ASAP2: variants seen among roughly 807,000 people sequenced by gnomAD.
The protein encoded by ASAP2 is ArfGAP with SH3 domain, ankyrin repeat and PH domain 2, also known as arf-GAP with SH3 domain, ANK repeat and PH domain-containing protein 2.
A neutral mutation model predicts 131.4 loss-of-function variants in ASAP2; 45 were observed. The observed-to-expected ratio is 0.34, with a 90% CI of 0.27 to 0.44. The LOEUF (loss-of-function observed/expected upper bound fraction) is 0.44. Among genes scored for constraint, ASAP2 ranks in the 20% least tolerant of loss-of-function variants. ASAP2 has a pLI of 1.00. For missense variants in ASAP2, 1,011 were observed against 1,297.0 expected (o/e 0.78, Z 3.39); for synonymous variants, 510 against 503.0 (o/e 1.01, Z -0.19).
chr2:9,350,396 C>T lies in ASAP2; in HGVS notation c.1024-412C>T, dbSNP rs908861042. 47 of 157,370 alleles carry T rather than the reference C, an allele frequency of 3.0e-4. 1 individual carries two copies. Among genetic ancestry groups the T allele is most frequent in the African/African-American group, 9.3e-4 (39 of 41,820 alleles). 9.7% of individuals were successfully genotyped at this position (157,370 alleles called of 1,614,324 possible). A position where few individuals can be genotyped will look rare whatever the true frequency, so the allele number is the denominator to read the frequency against. ...AAGTGAGGTTTATGCTAAGAAAAAA[C>T]GCTTTTAAGATCACCAGAAATTGAG... On this transcript the variant is annotated intron_variant, in intron 11 of 27. Coordinates refer to ENST00000281419, the MANE Select transcript of ASAP2 (RefSeq NM_003887.3).
chr2:9,257,627 T>C (rs1177262045), intron 1 of ASAP2, among the ~76,000 whole-genome samples: 1 of 152,198 alleles, frequency 6.6e-6, no homozygotes, highest in African/African-American at 2.4e-5. Flanking sequence ...CAAGCTATTC[T>C]CCTGCCTCAG....
chr2:9,393,760 C>T (rs1000103148), intron 24 of ASAP2, 113 bp downstream of exon 24: 4 of 1,152,322 alleles, frequency 3.5e-6, no homozygotes, highest in Middle Eastern at 2.9e-4. Context: ...AGCGTGGGCG[C>T]CACATAACTA....
At chr2:9,335,021 G>A in intron 8 of ASAP2, 72 bp from the exon 9 acceptor site, 1 of 1,495,192 alleles carries the variant, frequency 6.7e-7, no homozygotes, top group African/African-American at 1.4e-5. Context: ...ATGGCCCCAT[G>A]AGCACCAACG....
chr2:9,309,582 A>G (rs1669160853), intron 3 of ASAP2, among the ~76,000 whole-genome samples: 1 of 152,160 alleles, frequency 6.6e-6, no homozygotes, highest in African/African-American at 2.4e-5. Context: ...TCATAGGAAT[A>G]TCCATGTGTC....
At chr2:9,350,460 C>T (rs907295535) in intron 11 of ASAP2, 7 of 187,602 alleles carry the variant, frequency 3.7e-5, no homozygotes, top group Admixed American at 6.1e-5. Flanking sequence ...ACTGTGTTGT[C>T]GGTAGGAATC....
At chr2:9,293,267 TA>T (rs1301343588) in intron 2 of ASAP2, among the ~76,000 whole-genome samples, 1 of 152,024 alleles carries the variant, frequency 6.6e-6, no homozygotes, top group Non-Finnish European at 1.5e-5. Flanking sequence ...GTGGGGGAGA[TA>T]AAGGGGTGAT....
chr2:9,347,268 C>T (rs2148616957), intron 11 of ASAP2, among the ~76,000 whole-genome samples: 1 of 152,338 alleles, frequency 6.6e-6, no homozygotes, highest in East Asian at 1.9e-4. Flanking sequence ...GAGGACCCCT[C>T]TGTATGACTG....
intron 1 of ASAP2, chr2:9,271,622 T>C (rs1666402978): frequency 2.8e-6 from 3 of 1,064,248 alleles, no homozygotes; most frequent in East Asian, 2.5e-5. Context: ...TTCTGGATAG[T>C]GGACATACGA....
intron 1 of ASAP2, among the ~76,000 whole-genome samples, chr2:9,270,784 C>CCTTTTTTTTTTTT (rs1666294703): frequency 4.3e-5 from 3 of 69,740 alleles, no homozygotes; most frequent in Admixed American, 1.6e-4. Flanking sequence ...CAATTGTTTT[C>CCTTTTTTTTTTTT]ATTTTTTTTT....
At chr2:9,309,621 G>A (rs6716232) in intron 3 of ASAP2, among the ~76,000 whole-genome samples, 6,911 of 152,242 alleles carry the variant, frequency 0.045, 381 homozygotes, top group African/African-American at 0.12. Context: ...CTTTAAATGT[G>A]TGTGGTTTAT....
intron 16 of ASAP2, among the ~76,000 whole-genome samples, chr2:9,368,884 G>T (rs1186670948): frequency 1.3e-5 from 2 of 152,104 alleles, no homozygotes; most frequent in Non-Finnish European, 2.9e-5. Flanking sequence ...GAGATGGCTG[G>T]TTGTGGTAGA....
intron 5 of ASAP2, among the ~76,000 whole-genome samples, chr2:9,320,568 A>G (rs754476594): frequency 5.9e-5 from 9 of 152,108 alleles, no homozygotes; most frequent in Non-Finnish European, 1.3e-4. Context: ...TGGTTATAGG[A>G]TGTTATTTTC....
At chr2:9,242,884 G>A (rs1168353793) in intron 1 of ASAP2, among the ~76,000 whole-genome samples, 1 of 152,126 alleles carries the variant, frequency 6.6e-6, no homozygotes, top group Non-Finnish European at 1.5e-5. Context: ...AGACATTGGT[G>A]CACATTAGCT....
Position 9,383,103 on chromosome 2 carries a change from G to A in ASAP2, c.2017-2142G>A, listed in dbSNP as rs187299390. ...CCTTGTCCACTGCATATCATCTCGG[G>A]GGGGCCACGGGACTGTTTGAGTCAT... On this transcript the variant is annotated intron_variant, in intron 20 of 27. Coordinates refer to ENST00000281419, the MANE Select transcript of ASAP2 (RefSeq NM_003887.3). 4.3e-3 allele frequency among the ~76,000 whole-genome samples: 649 copies of A among 151,312 alleles called. 3 individuals carry two copies. The highest frequency in any genetic ancestry group is 0.015 in the African/African-American group (629 of 41,144).
At chr2:9,253,606 C>T (rs890389395) in intron 1 of ASAP2, among the ~76,000 whole-genome samples, 2 of 152,232 alleles carry the variant, frequency 1.3e-5, no homozygotes, top group Non-Finnish European at 2.9e-5. Flanking sequence ...CATCTCTGCG[C>T]TGCTTTCTGT....
intron 3 of ASAP2, among the ~76,000 whole-genome samples, chr2:9,309,461 CA>C (rs1366917132): frequency 6.6e-6 from 1 of 152,170 alleles, no homozygotes; most frequent in African/African-American, 2.4e-5. Flanking sequence ...AGAAGCAGAT[CA>C]GGGGTTGCCA....
At position 9,217,709 on chromosome 2, in the gene ASAP2, G is replaced by A. The variant is rs185631981; in HGVS notation, c.126+10479G>A. ...GGCTCACTGCAAGCTCCGCCTCCTG[G>A]GTTCACGCCATTCTTCTGTCTCCGC... On this transcript the variant is annotated intron_variant, in intron 1 of 27. Coordinates refer to ENST00000281419, the MANE Select transcript of ASAP2 (RefSeq NM_003887.3). The surrounding 1 kb of genome is among the most constrained non-coding windows in gnomAD (Gnocchi z 4.0). Among the ~76,000 whole-genome samples the A allele has an allele frequency of 8.6e-4, 131 of 151,868 alleles. 1 individual carries two copies. In the East Asian group the frequency reaches 0.022, roughly 25 times the overall value.
intron 1 of ASAP2, among the ~76,000 whole-genome samples, chr2:9,208,773 G>A (rs1242133618): frequency 1.3e-5 from 2 of 152,184 alleles, no homozygotes; most frequent in African/African-American, 4.8e-5. Context: ...AAAGCACGGT[G>A]TTTTGAGAAT....
chr2:9,329,269 C>A, intron 7 of ASAP2, among the ~76,000 whole-genome samples: 1 of 152,164 alleles, frequency 6.6e-6, no homozygotes, highest in African/African-American at 2.4e-5. Context: ...AGACATCTTG[C>A]AAAAGTTTTT....
Sources: allele counts gnomAD v4.1 joint callset (sites outside exome capture counted in the v4.1 genomes callset), GRCh38; gene constraint gnomAD v4.1.1; non-coding constraint Gnocchi (gnomAD v3.1); transcripts MANE v1.5; gene names NCBI Gene and HGNC (gene_info 2026-07-23, HGNC 2026-07-21).